The following ZFP36L2 variants were observed in gnomAD, a reference collection of about 807,000 sequenced individuals.
ZFP36L2 encodes the protein mRNA decay activator protein ZFP36L2.
A neutral mutation model predicts 27.9 loss-of-function variants in ZFP36L2; 16 were observed. The ratio of observed to expected loss-of-function variants is 0.57; its 90% CI spans 0.39 to 0.87. The LOEUF (loss-of-function observed/expected upper bound fraction) is 0.87. Among genes scored for constraint, ZFP36L2 ranks in the 40% least tolerant of loss-of-function variants. The pLI, the probability that ZFP36L2 is intolerant of heterozygous loss-of-function variation, is 0.00. For missense variants in ZFP36L2, 989 were observed against 726.9 expected, an observed-to-expected ratio of 1.36 and a Z score of -4.15; for synonymous variants, 600 against 363.8, an observed-to-expected ratio of 1.65 and a Z score of -7.39.
Position 43,224,521 on chromosome 2 carries a change from G to A in ZFP36L2, c.1283C>T (p.Pro428Leu). 11 of 1,476,750 alleles carry A rather than the reference G, an allele frequency of 7.4e-6. No homozygotes were observed. The highest frequency in any genetic ancestry group is 9.8e-6 in the Non-Finnish European group (11 of 1,119,100). 91.5% of individuals were successfully genotyped at this position (1,476,750 alleles called of 1,614,324 possible). The change falls in exon 2 of 2, where the codon CCC (proline) becomes CTC (leucine). Residue 428 changes from proline to leucine, a missense_variant. Transcript: ENST00000282388. Reference protein sequence around the residue: ...PAGAAAPPSPPFSFQLPRRLS... With the variant: ...PAGAAAPPSPLFSFQLPRRLS... The stretch of plus-strand genomic sequence containing the variant: ...GCGGCGCGGCAGCTGGAAGCTGAAG[G>A]GCGGCGAGGGAGGTGCGGCGGCCCC...
At position 43,226,490 on chromosome 2, in the gene ZFP36L2, G is replaced by C; in HGVS notation, c.-175C>G. The stretch of plus-strand genomic sequence containing the variant: ...TGCAGCGGCGCGGGCCGGCGGGAGG[G>C]TCCGGCGGAGTGCGGCAGGGGGGAA... On this transcript the variant is annotated 5_prime_UTR_variant, in exon 1 of 2. Transcript: ENST00000282388. 1.3e-6 allele frequency: 1 copy of C among 749,802 alleles called. No individual in the cohort carries two copies. The highest frequency in any genetic ancestry group is 2.2e-6 in the Non-Finnish European group (1 of 464,784). 46.4% of individuals were successfully genotyped at this position (749,802 alleles called of 1,614,324 possible).
chr2:43,226,152 A>G, intron 1 of ZFP36L2, 113 bp downstream of exon 1: 1 of 1,438,902 alleles, frequency 6.9e-7, no homozygotes, highest in Non-Finnish European at 9.5e-7. Flanking sequence ...AAACCCCGGG[A>G]CTTTCCCGAC....
At position 43,225,526 on chromosome 2, in the gene ZFP36L2, C is replaced by T. The variant is rs371996206; in HGVS notation, c.278G>A (p.Gly93Asp). The change falls in exon 2 of 2, where the codon GGC becomes GAC. Residue 93 changes from glycine to aspartate, a missense_variant. Coordinates refer to ENST00000282388, the MANE Select transcript of ZFP36L2 (RefSeq NM_006887.5). ...NGSSCGSAAA[G>D]GPTSYGTLKE... Reference sequence around the variant, plus strand: ...AAGGGTGCCGTAGGAGGTCGGACCGCCGGCCGCCGCGCTGCCGCAGCTGCT... The same window carrying T: ...AAGGGTGCCGTAGGAGGTCGGACCGTCGGCCGCCGCGCTGCCGCAGCTGCT... 106 of 1,586,748 alleles carry T rather than the reference C, an allele frequency of 6.7e-5. No homozygotes were observed. In the African/African-American group the frequency reaches 1.3e-3, roughly 20 times the overall value.
rs1355031917 is a variant in ZFP36L2, at chr2:43,225,562, G to A, written c.242C>T (p.Ala81Val). ...GCTGCCGCAGCTGCTGCCGTTAGCG[G>A]CGCCCGGGAACTTGGGCGAGCAGCT... ...PGSCSPKFPG[A>V]ANGSSCGSAA... The change falls in exon 2 of 2, where the codon GCC (alanine) becomes GTC (valine). Residue 81 changes from alanine (A) to valine (V), a missense_variant. Ala to Val is a moderately conservative substitution (Grantham distance 64, BLOSUM62 0). Transcript: ENST00000282388. 4 of 1,571,412 alleles carry A rather than the reference G, an allele frequency of 2.5e-6. No homozygotes were observed. Among genetic ancestry groups the A allele is most frequent in the Non-Finnish European group, 3.4e-6 (4 of 1,163,446 alleles).
At position 43,222,644 on chromosome 2, in the gene ZFP36L2, A is replaced by G. The variant is rs1331348616; in HGVS notation, c.*1675T>C. On this transcript the variant is annotated 3_prime_UTR_variant, in exon 2 of 2. Transcript: ENST00000282388. Reference sequence around the variant, plus strand: ...ATTCATCTGCTGTCCAGGAAAGCTTAGGAGACATTCCTGCCTTTCTACATG... The same window carrying G: ...ATTCATCTGCTGTCCAGGAAAGCTTGGGAGACATTCCTGCCTTTCTACATG... The G allele has an allele frequency of 2.0e-5, 3 of 152,388 alleles. No individual in the cohort carries two copies. Among genetic ancestry groups the G allele is most frequent in the Non-Finnish European group, 4.4e-5 (3 of 68,040 alleles). 9.4% of individuals were successfully genotyped at this position (152,388 alleles called of 1,614,324 possible).
chr2:43,224,064 C>T lies in ZFP36L2; in HGVS notation c.*255G>A. ...AATATTTTGTTCAACAGAAAAAGTT[C>T]GACTTTTTTGCTCAAAAAGAATGAA... On this transcript the variant is annotated 3_prime_UTR_variant, in exon 2 of 2. Coordinates refer to ENST00000282388, the MANE Select transcript of ZFP36L2 (RefSeq NM_006887.5). The T allele has an allele frequency of 1.4e-5, 5 of 357,340 alleles. No individual in the cohort carries two copies. Among genetic ancestry groups the T allele is most frequent in the Non-Finnish European group, 9.8e-6 (2 of 204,148 alleles). 22.1% of individuals were successfully genotyped at this position (357,340 alleles called of 1,614,324 possible). A position where few individuals can be genotyped will look rare whatever the true frequency, so the allele number is the denominator to read the frequency against.
chr2:43,224,990 C>T lies in ZFP36L2; in HGVS notation c.814G>A (p.Gly272Ser). The change falls in exon 2 of 2, where the codon GGC (glycine) becomes AGC (serine). Residue 272 changes from glycine to serine, a missense_variant. Gly to Ser is a moderately conservative substitution (Grantham distance 56). Coordinates refer to ENST00000282388, the MANE Select transcript of ZFP36L2 (RefSeq NM_006887.5). ...GFPSGHHQPPGGLESPLLLDS... is the reference protein window; with the variant it reads ...GFPSGHHQPPSGLESPLLLDS... ...AGCAGCAGCGGCGACTCGAGGCCGC[C>T]CGGGGGCTGATGGTGGCCCGACGGG... 6.3e-7 allele frequency: 1 copy of T among 1,589,224 alleles called. No homozygotes were observed. Among genetic ancestry groups the T allele is most frequent in the Non-Finnish European group, 8.5e-7 (1 of 1,176,946 alleles).
Position 43,223,821 on chromosome 2 carries a change from T to G in ZFP36L2, c.*498A>C, listed in dbSNP as rs1469998674. On this transcript the variant is annotated 3_prime_UTR_variant, in exon 2 of 2. Transcript: ENST00000282388. Reference sequence around the variant, plus strand: ...CAAGGTGGCGGCTGGCTGGTTTGTTTACACCGGTCTGAGACACAATTAGGA... The same window carrying G: ...CAAGGTGGCGGCTGGCTGGTTTGTTGACACCGGTCTGAGACACAATTAGGA... 1.3e-5 allele frequency: 2 copies of G among 153,464 alleles called. No individual in the cohort carries two copies. Among genetic ancestry groups the G allele is most frequent in the African/African-American group, 2.4e-5 (1 of 41,472 alleles). The allele number at this position is 153,464 out of a possible 1,614,324, so 9.5% of individuals were successfully genotyped here. A position where few individuals can be genotyped will look rare whatever the true frequency, so the allele number is the denominator to read the frequency against.
rs934975965 is a variant in ZFP36L2, at chr2:43,222,643, T to C, written c.*1676A>G. ...CATTCATCTGCTGTCCAGGAAAGCT[T>C]AGGAGACATTCCTGCCTTTCTACAT... On this transcript the variant is annotated 3_prime_UTR_variant, in exon 2 of 2. Coordinates refer to ENST00000282388, the MANE Select transcript of ZFP36L2 (RefSeq NM_006887.5). 2.6e-5 allele frequency: 4 copies of C among 152,330 alleles called. No homozygotes were observed. The highest frequency in any genetic ancestry group is 9.7e-5 in the African/African-American group (4 of 41,448). 9.4% of individuals were successfully genotyped at this position (152,330 alleles called of 1,614,324 possible).
rs1558428791 is a variant in ZFP36L2 at position 43,225,381 on chromosome 2, C to G, written c.423G>C (p.Gln141His). Residue 141 changes from glutamine (Q) to histidine (H), a missense_variant, in exon 2 of 2, where the codon CAG (glutamine) becomes CAC (histidine). By Grantham distance (24) the Gln-to-His change is conservative. Coordinates refer to ENST00000282388, the MANE Select transcript of ZFP36L2 (RefSeq NM_006887.5). ...TGATCTGGGAGCCGCCGCCCCCCTT[C>G]TGCTGCTGCTGCAGGTGCAGGAGGT... ...SQHLLHLQQQ[Q>H]KGGGGSQINS... 1 of 1,612,278 alleles carries G rather than the reference C, an allele frequency of 6.2e-7. No homozygotes were observed. The highest frequency in any genetic ancestry group is 8.5e-7 in the Non-Finnish European group (1 of 1,179,336).
rs777068870 is a variant in ZFP36L2, at chr2:43,224,884, G to GAAC, written c.917_919dup (p.Cys306dup). The stretch of plus-strand genomic sequence containing the variant: ...GGGCGTGGAGGCCGCGGAGGCCGAG[G>GAAC]AACAGGAGGAGGCGGAGGAGGAGCA... On this transcript the variant is annotated inframe_insertion, in exon 2 of 2. Transcript: ENST00000282388. 42 of 1,524,926 alleles carry GAAC rather than the reference G, an allele frequency of 2.8e-5. No individual in the cohort carries two copies. The highest frequency in any genetic ancestry group is 1.5e-5 in the Non-Finnish European group (17 of 1,151,914). 94.5% of individuals were successfully genotyped at this position (1,524,926 alleles called of 1,614,324 possible).
Position 43,224,874 on chromosome 2 carries a change from G to A in ZFP36L2, c.930C>T (p.Ser310=), listed in dbSNP as rs1339864586. The A allele has an allele frequency of 1.3e-6, 2 of 1,504,086 alleles. No individual in the cohort carries two copies. The highest frequency in any genetic ancestry group is 1.8e-6 in the Non-Finnish European group (2 of 1,142,308). The allele number at this position is 1,504,086 out of a possible 1,614,324, so 93.2% of individuals were successfully genotyped here. ...GGGCGCCCGAGGGCGTGGAGGCCGC[G>A]GAGGCCGAGGAACAGGAGGAGGCGG... ...SSSASSCSSA[S]AASTPSGAPT... The change falls in exon 2 of 2, where the codon TCC becomes TCT. Residue 310 remains serine, a synonymous_variant. Coordinates refer to ENST00000282388, the MANE Select transcript of ZFP36L2 (RefSeq NM_006887.5).
chr2:43,224,817 AGCCGCGGCCGCCGCGGAGGCG>A lies in ZFP36L2; in HGVS notation c.966_986del (p.Ser324_Ala330del), dbSNP rs1667050870. On this transcript the variant is annotated inframe_deletion, in exon 2 of 2. Transcript: ENST00000282388. ...CGGTGCCGTACAGCAGAGCGGCCGCAGCCGCGGCCGCCGCGGAGGCGCAGCATGTCGGGGCGCCCGAGGGCG... is the reference window on the plus strand; with the variant it reads ...CGGTGCCGTACAGCAGAGCGGCCGCACAGCATGTCGGGGCGCCCGAGGGCG... 7.0e-7 allele frequency: 1 copy of A among 1,421,270 alleles called. No homozygotes were observed. Among genetic ancestry groups the A allele is most frequent in the East Asian group, 3.0e-5 (1 of 33,774 alleles). The allele number at this position is 1,421,270 out of a possible 1,614,324, so 88.0% of individuals were successfully genotyped here.
At position 43,224,914 on chromosome 2, in the gene ZFP36L2, G is replaced by A. The variant is rs752747567; in HGVS notation, c.890C>T (p.Ser297Leu). The change falls in exon 2 of 2, where the codon TCG (serine) becomes TTG (leucine). Residue 297 changes from serine to leucine, a missense_variant. Transcript: ENST00000282388. The stretch of plus-strand genomic sequence containing the variant: ...GGAGGAGGCGGAGGAGGAGCAGGAC[G>A]AGGCCGAAGAGCAGGAGGGCGGCGG... ...TPPPPSCSSA[S>L]SCSSSASSCS... is the part of the protein sequence containing the mutation. The A allele has an allele frequency of 6.5e-7, 1 of 1,549,248 alleles. No homozygotes were observed. The highest frequency in any genetic ancestry group is 8.6e-7 in the Non-Finnish European group (1 of 1,163,366).
Position 43,225,631 on chromosome 2 carries a change from G to T in ZFP36L2, c.173C>A (p.Ala58Asp), listed in dbSNP as rs1455410451. Residue 58 changes from alanine to aspartate, a missense_variant, in exon 2 of 2, where the codon GCC (alanine) becomes GAC (aspartate). Ala to Asp is a moderately radical substitution (Grantham distance 126, BLOSUM62 -2). Transcript: ENST00000282388. ...GTGGGCGAGTGCATGCAGGTTGCTG[G>T]CCGAGTGCCGTCGGAGGAATCCCGG... ...FAPGFLRRHS[A>D]SNLHALAHPA... The T allele has an allele frequency of 1.3e-6, 2 of 1,570,330 alleles. No individual in the cohort carries two copies. The highest frequency in any genetic ancestry group is 2.3e-5 in the East Asian group (1 of 43,186).
Position 43,224,616 on chromosome 2 carries a change from CTG to C in ZFP36L2, c.1186_1187del (p.Gln396AlafsTer77). ...VAAAAYYRSQ[Q>X]QQQQQGLAPP... ...GCGCCAGGCCCTGCTGCTGCTGCTG[CTG>C]CTGACTGCGGTAGTAGGCGGCGGCG... On this transcript the variant is annotated frameshift_variant, in exon 2 of 2. Transcript: ENST00000282388. LOFTEE classifies it high-confidence loss of function. 1 of 1,464,646 alleles carries C rather than the reference CTG, an allele frequency of 6.8e-7. No homozygotes were observed. The highest frequency in any genetic ancestry group is 9.0e-7 in the Non-Finnish European group (1 of 1,110,066). 90.7% of individuals were successfully genotyped at this position (1,464,646 alleles called of 1,614,324 possible). A position where few individuals can be genotyped will look rare whatever the true frequency, so the allele number is the denominator to read the frequency against.
rs1296867790 is a variant in ZFP36L2 at position 43,223,619 on chromosome 2, C to G, written c.*700G>C. The G allele has an allele frequency of 6.5e-6, 1 of 152,706 alleles. No individual in the cohort carries two copies. Among genetic ancestry groups the G allele is most frequent in the Non-Finnish European group, 1.5e-5 (1 of 68,040 alleles). The allele number at this position is 152,706 out of a possible 1,614,324, so 9.5% of individuals were successfully genotyped here. A position where few individuals can be genotyped will look rare whatever the true frequency, so the allele number is the denominator to read the frequency against. ...AAAATGGTTCTAAACTGAACATCCA[C>G]TAAGTGGTGGCAATGAAACCAAGTA... On this transcript the variant is annotated 3_prime_UTR_variant, in exon 2 of 2. Coordinates refer to ENST00000282388, the MANE Select transcript of ZFP36L2 (RefSeq NM_006887.5).
In ZFP36L2 at chr2:43,225,519, C is replaced by G. The variant is rs746397649; in HGVS notation, c.285G>C (p.Pro95=). Residue 95 remains proline (P), a synonymous_variant, in exon 2 of 2, where the codon CCG becomes CCC. Coordinates refer to ENST00000282388, the MANE Select transcript of ZFP36L2 (RefSeq NM_006887.5). ...GCTCCTTAAGGGTGCCGTAGGAGGT[C>G]GGACCGCCGGCCGCCGCGCTGCCGC... is the stretch of plus-strand genomic sequence containing the variant. The part of the protein sequence containing the change: ...SSCGSAAAGG[P]TSYGTLKEPS... 2.9e-5 allele frequency: 47 copies of G among 1,594,192 alleles called. No individual in the cohort carries two copies. The highest frequency in any genetic ancestry group is 2.4e-4 in the South Asian group (22 of 89,820).
chr2:43,224,206 G>C lies in ZFP36L2; in HGVS notation c.*113C>G. On this transcript the variant is annotated 3_prime_UTR_variant, in exon 2 of 2. Coordinates refer to ENST00000282388, the MANE Select transcript of ZFP36L2 (RefSeq NM_006887.5). ...CTCGGTCGGGCTTGCAGTCTGCCTA[G>C]GGCCCATGTCACCCCCCCCACTCCC... The C allele has an allele frequency of 8.3e-7, 1 of 1,197,922 alleles. No individual in the cohort carries two copies. The highest frequency in any genetic ancestry group is 1.1e-6 in the Non-Finnish European group (1 of 904,570). 74.2% of individuals were successfully genotyped at this position (1,197,922 alleles called of 1,614,324 possible).
Sources: gnomAD v4.1 joint callset for allele counts on GRCh38, gnomAD v4.1.1 for gene constraint, MANE v1.5 for transcripts, NCBI Gene and HGNC (gene_info 2026-07-23, HGNC 2026-07-21) for gene names.